The following SNAP25 variants were observed in gnomAD, a reference collection of about 807,000 sequenced individuals.
SNAP25 encodes the protein synaptosomal-associated protein 25.
In SNAP25, 3 loss-of-function variants were observed where a neutral mutation model predicts 28.7. The observed-to-expected ratio is 0.10, with a 90% CI of 0.05 to 0.27. SNAP25 has a LOEUF of 0.27. Ranked by LOEUF, SNAP25 falls within the 10% of genes least tolerant of loss-of-function variation. The pLI, the probability that SNAP25 is intolerant of heterozygous loss-of-function variation, is 1.00. For synonymous variants in SNAP25, 61 were observed against 88.1 expected, an observed-to-expected ratio of 0.69 and a Z score of 1.72; for missense variants, 117 against 278.7, an observed-to-expected ratio of 0.42 and a Z score of 4.13.
rs1014503733 is a variant in SNAP25, at chr20:10,250,791, G to A, written c.-63-24638G>A. Among the ~76,000 whole-genome samples the A allele has an allele frequency of 1.9e-3, 282 of 152,256 alleles. 1 individual carries two copies. The highest frequency in any genetic ancestry group is 6.4e-3 in the African/African-American group (264 of 41,544). On this transcript the variant is annotated intron_variant, in intron 1 of 7. Transcript: ENST00000254976. ...GTGGTCCCATAAGATAAGAATACCAGATTATTACTGTACCTTTTCCAAGTT... is the reference window on the plus strand; with the variant it reads ...GTGGTCCCATAAGATAAGAATACCAAATTATTACTGTACCTTTTCCAAGTT...
At chr20:10,305,112 T>A (rs1234004286) in intron 7 of SNAP25, among the ~76,000 whole-genome samples, 1 of 152,232 alleles carries the variant, frequency 6.6e-6, no homozygotes, top group African/African-American at 2.4e-5. Flanking sequence ...ACTAGACTAG[T>A]ATCTACATAT....
chr20:10,300,619 A>G (rs1431564669), intron 7 of SNAP25, among the ~76,000 whole-genome samples: 1 of 152,200 alleles, frequency 6.6e-6, no homozygotes, highest in Non-Finnish European at 1.5e-5. Flanking sequence ...GCAACCTCCA[A>G]TGACTTGAAA....
chr20:10,221,699 A>T lies in SNAP25; in HGVS notation c.-64+2722A>T, dbSNP rs559282513. Among the ~76,000 whole-genome samples, 20 of 152,364 alleles carry T rather than the reference A, an allele frequency of 1.3e-4. No homozygotes were observed. In the East Asian group the frequency reaches 2.9e-3, roughly 22 times the overall value. ...TAAACACGCACAACCACACATGCACAAACACAATGCAAACTACCCGTTAAT... is the reference window on the plus strand; with the variant it reads ...TAAACACGCACAACCACACATGCACTAACACAATGCAAACTACCCGTTAAT... On this transcript the variant is annotated intron_variant, in intron 1 of 7. Coordinates refer to ENST00000254976, the MANE Select transcript of SNAP25 (RefSeq NM_130811.4).
At chr20:10,268,952 T>A (rs575753855) in intron 1 of SNAP25, among the ~76,000 whole-genome samples, 1 of 152,160 alleles carries the variant, frequency 6.6e-6, no homozygotes, top group South Asian at 2.1e-4. Context: ...CCACAACTGG[T>A]TGCAGAAGTT....
intron 4 of SNAP25, among the ~76,000 whole-genome samples, chr20:10,285,287 A>C (rs2063854509): frequency 6.6e-6 from 1 of 152,228 alleles, no homozygotes; most frequent in Non-Finnish European, 1.5e-5. Context: ...GGAAAATACA[A>C]CATTGAACCA....
In SNAP25 at chr20:10,306,819, A is replaced by C. The variant is rs1160639754; in HGVS notation, c.*622A>C. On this transcript the variant is annotated 3_prime_UTR_variant, in exon 8 of 8. Transcript: ENST00000254976. ...GATGAGACAACACACACACACACAA[A>C]ACAACAGCAACAACAACAGAACAAC... is the stretch of plus-strand genomic sequence containing the variant. The C allele has an allele frequency of 6.5e-6, 1 of 154,674 alleles. No individual in the cohort carries two copies. Among genetic ancestry groups the C allele is most frequent in the Admixed American group, 6.5e-5 (1 of 15,280 alleles). The allele number at this position is 154,674 out of a possible 1,614,324, so 9.6% of individuals were successfully genotyped here.
At chr20:10,268,405 T>G (rs1359482178) in intron 1 of SNAP25, among the ~76,000 whole-genome samples, 1 of 152,182 alleles carries the variant, frequency 6.6e-6, no homozygotes, top group African/African-American at 2.4e-5. Context: ...TACATATTTG[T>G]TAGTTTGGTT....
chr20:10,252,789 A>G (rs1351803353), intron 1 of SNAP25, among the ~76,000 whole-genome samples: 1 of 147,666 alleles, frequency 6.8e-6, no homozygotes, highest in Non-Finnish European at 1.5e-5. Flanking sequence ...TTCAAGCTTT[A>G]GATAATTTTT....
At chr20:10,260,538 T>C (rs906733203) in intron 1 of SNAP25, among the ~76,000 whole-genome samples, 4 of 152,082 alleles carry the variant, frequency 2.6e-5, no homozygotes, top group African/African-American at 9.7e-5. Context: ...GAAATGCAAA[T>C]TGCTAGGCCC....
chr20:10,304,390 C>T (rs907731096), intron 7 of SNAP25, among the ~76,000 whole-genome samples: 4 of 152,062 alleles, frequency 2.6e-5, no homozygotes, highest in African/African-American at 9.7e-5. Flanking sequence ...TTTTGACTCC[C>T]CCAAAATTTA....
chr20:10,262,652 A>C (rs1219570118), intron 1 of SNAP25, among the ~76,000 whole-genome samples: 2 of 152,182 alleles, frequency 1.3e-5, no homozygotes, highest in Non-Finnish European at 2.9e-5. Flanking sequence ...GCAGACCCTT[A>C]GACAGGGATT....
intron 1 of SNAP25, among the ~76,000 whole-genome samples, chr20:10,246,810 G>C (rs1268556314): frequency 6.6e-6 from 1 of 152,162 alleles, no homozygotes; most frequent in East Asian, 1.9e-4. Flanking sequence ...ATTCCTGTTA[G>C]GGCTCACATC....
chr20:10,286,912 G>T (rs1171749247), intron 4 of SNAP25, among the ~76,000 whole-genome samples: 1 of 152,126 alleles, frequency 6.6e-6, no homozygotes, highest in Admixed American at 6.5e-5. Context: ...TTATTATTAC[G>T]TGACTTGTTG....
chr20:10,306,406 A>T lies in SNAP25; in HGVS notation c.*209A>T. ...CTCTTTCTTTCCAAAGGTTGTACAT[A>T]GTGGTCATTTGGTGGCTCTAACTCC... is the stretch of plus-strand genomic sequence containing the variant. On this transcript the variant is annotated 3_prime_UTR_variant, in exon 8 of 8. Coordinates refer to ENST00000254976, the MANE Select transcript of SNAP25 (RefSeq NM_130811.4). The T allele has an allele frequency of 2.1e-6, 1 of 466,572 alleles. No individual in the cohort carries two copies. 28.9% of individuals were successfully genotyped at this position (466,572 alleles called of 1,614,324 possible). A position where few individuals can be genotyped will look rare whatever the true frequency, so the allele number is the denominator to read the frequency against.
chr20:10,284,443 G>A (rs2063837117), intron 3 of SNAP25, among the ~76,000 whole-genome samples: 1 of 152,148 alleles, frequency 6.6e-6, no homozygotes, highest in South Asian at 2.1e-4. Flanking sequence ...TGAAGTATGT[G>A]TATTCTGATT....
chr20:10,225,981 G>A (rs1331791406), intron 1 of SNAP25, among the ~76,000 whole-genome samples: 1 of 152,170 alleles, frequency 6.6e-6, no homozygotes, highest in African/African-American at 2.4e-5. Flanking sequence ...TCTCAGTTGA[G>A]CTCTGAAAAT....
At chr20:10,240,437 C>T (rs2063006092) in intron 1 of SNAP25, among the ~76,000 whole-genome samples, 1 of 152,178 alleles carries the variant, frequency 6.6e-6, no homozygotes, top group African/African-American at 2.4e-5. Context: ...TAGCTAATCA[C>T]AGAATGGCAT....
At chr20:10,249,821 T>C (rs796282936) in intron 1 of SNAP25, among the ~76,000 whole-genome samples, 8 of 152,252 alleles carry the variant, frequency 5.3e-5, no homozygotes, top group African/African-American at 1.9e-4. Flanking sequence ...GCTAATTATT[T>C]TGCTTCCCAA....
At chr20:10,273,640 T>G (rs149920381) in intron 1 of SNAP25, among the ~76,000 whole-genome samples, 1 of 152,318 alleles carries the variant, frequency 6.6e-6, no homozygotes, top group African/African-American at 2.4e-5. Context: ...GGGACACACT[T>G]TGTTCTACTA....
Sources: gnomAD v4.1 joint callset for allele counts (sites outside exome capture counted in the v4.1 genomes callset) on GRCh38, gnomAD v4.1.1 for gene constraint, MANE v1.5 for transcripts, NCBI Gene and HGNC (gene_info 2026-07-23, HGNC 2026-07-21) for gene names.